ZC3H18: variants seen among roughly 807,000 people sequenced by gnomAD.
ZC3H18 encodes zinc finger CCCH domain-containing protein 18.
In ZC3H18, 8 loss-of-function variants were observed where a neutral mutation model predicts 106.1. The ratio of observed to expected loss-of-function variants is 0.08; its 90% CI spans 0.04 to 0.14. ZC3H18 has a LOEUF of 0.14. ZC3H18 is among the 10% of genes least tolerant of loss of function. The probability of loss-of-function intolerance (pLI) is 1.00; values close to 1 mark genes in which losing one functional copy is unlikely to be tolerated. For missense variants in ZC3H18, 1,318 were observed against 1,278.4 expected (o/e 1.03, Z -0.47); for synonymous variants, 635 against 522.1 (o/e 1.22, Z -2.95).
chr16:88,601,114 A>G (rs1904728528), intron 6 of ZC3H18, among the ~76,000 whole-genome samples: 1 of 152,248 alleles, frequency 6.6e-6, no homozygotes, highest in Non-Finnish European at 1.5e-5. Context: ...CGCCTGCGGA[A>G]GTTGGGGGAG....
Position 88,623,939 on chromosome 16 carries a change from C to G in ZC3H18, c.1794-19C>G, listed in dbSNP as rs1009405920. The G allele has an allele frequency of 1.1e-5, 17 of 1,602,422 alleles. No homozygotes were observed. The highest frequency in any genetic ancestry group is 1.5e-5 in the Non-Finnish European group (17 of 1,172,180). On this transcript the variant is annotated intron_variant, in intron 10 of 17. Coordinates refer to ENST00000301011, the MANE Select transcript of ZC3H18 (RefSeq NM_144604.4). Reference sequence around the variant, plus strand: ...AAACACCCCCAGGCCCCTTCCGACACCTTTGTTCACTCCCCTAGGTCCCGG... The same window carrying G: ...AAACACCCCCAGGCCCCTTCCGACAGCTTTGTTCACTCCCCTAGGTCCCGG...
At chr16:88,623,720 C>T (rs1257105935) in intron 10 of ZC3H18, 15 of 651,398 alleles carry the variant, frequency 2.3e-5, no homozygotes, top group Non-Finnish European at 3.2e-5. Context: ...CACACATGAA[C>T]GTGACACTCG....
At chr16:88,614,920 G>T (rs1465284089) in intron 8 of ZC3H18, among the ~76,000 whole-genome samples, 1 of 152,180 alleles carries the variant, frequency 6.6e-6, no homozygotes, top group Non-Finnish European at 1.5e-5. Flanking sequence ...TGCCCAGATG[G>T]GCTGCCCCCA....
intron 6 of ZC3H18, among the ~76,000 whole-genome samples, chr16:88,606,884 G>T (rs191436179): frequency 6.6e-6 from 1 of 152,158 alleles, no homozygotes; most frequent in African/African-American, 2.4e-5. Context: ...GCCACCCATC[G>T]CTGGAGCCAC....
chr16:88,573,591 T>G (rs1914545202), intron 1 of ZC3H18, among the ~76,000 whole-genome samples: 1 of 151,908 alleles, frequency 6.6e-6, no homozygotes, highest in Non-Finnish European at 1.5e-5. Flanking sequence ...CTACCTTTAA[T>G]AAAAAGACGA....
intron 13 of ZC3H18, 182 bp downstream of exon 13, chr16:88,625,449 A>T: frequency 1.4e-6 from 1 of 697,196 alleles, no homozygotes. Context: ...ATGGGCCAGG[A>T]CTCGTGATAG....
At chr16:88,615,854 G>A (rs929181686) in intron 8 of ZC3H18, among the ~76,000 whole-genome samples, 1 of 152,232 alleles carries the variant, frequency 6.6e-6, no homozygotes, top group Non-Finnish European at 1.5e-5. Flanking sequence ...TCAGGAGTCT[G>A]TAATTCCAAC....
At chr16:88,615,159 A>ACGGGCTGCCCCCACCTCCTCCG (rs1567594297) in intron 8 of ZC3H18, among the ~76,000 whole-genome samples, 2 of 16,996 alleles carry the variant, frequency 1.2e-4, no homozygotes, top group Non-Finnish European at 1.2e-4. Context: ...CACCTCCTCC[A>ACGGGCTGCCCCCACCTCCTCCG]TTCCCTCTGC....
At chr16:88,616,055 C>T (rs1229683910) in intron 8 of ZC3H18, among the ~76,000 whole-genome samples, 2 of 152,126 alleles carry the variant, frequency 1.3e-5, no homozygotes, top group African/African-American at 2.4e-5. Flanking sequence ...GTGACGGATC[C>T]CAGGAGGCTT....
intron 3 of ZC3H18, 102 bp downstream of exon 3, chr16:88,586,786 G>T: frequency 3.7e-6 from 3 of 820,178 alleles, no homozygotes; most frequent in East Asian, 2.9e-5. Context: ...GCTCAAGGCA[G>T]TTCTCTGGGC....
At chr16:88,597,821 T>C (rs1904518949) in intron 3 of ZC3H18, among the ~76,000 whole-genome samples, 1 of 152,250 alleles carries the variant, frequency 6.6e-6, no homozygotes, top group African/African-American at 2.4e-5. Context: ...CAGTTGTACC[T>C]AGATGAGCCT....
At chr16:88,609,273 T>G (rs527976673) in intron 7 of ZC3H18, 75 of 321,598 alleles carry the variant, frequency 2.3e-4, no homozygotes, top group South Asian at 1.2e-3. Context: ...TGGTTCTTGC[T>G]ATGGTTTTGT....
chr16:88,622,860 G>T, intron 9 of ZC3H18: 1 of 321,370 alleles, frequency 3.1e-6, no homozygotes, highest in Non-Finnish European at 5.8e-6. Context: ...CAGGAGGTGT[G>T]GGTGGGAGGC....
chr16:88,600,795 G>A (rs1431174449), intron 6 of ZC3H18, among the ~76,000 whole-genome samples: 3 of 152,256 alleles, frequency 2.0e-5, no homozygotes, highest in African/African-American at 7.2e-5. Context: ...TTGGGGGATT[G>A]CATGGCATAT....
chr16:88,582,865 G>A (rs896695447), intron 2 of ZC3H18, among the ~76,000 whole-genome samples: 4 of 152,174 alleles, frequency 2.6e-5, no homozygotes, highest in Admixed American at 6.5e-5. Flanking sequence ...GAGGGTCCCC[G>A]AGACCTCTGC....
intron 8 of ZC3H18, among the ~76,000 whole-genome samples, chr16:88,621,645 C>A (rs1007411155): frequency 1.3e-5 from 2 of 152,120 alleles, no homozygotes; most frequent in African/African-American, 4.8e-5. Flanking sequence ...CATGAGCCAT[C>A]GCGCCCAGCC....
intron 2 of ZC3H18, among the ~76,000 whole-genome samples, chr16:88,585,023 G>T (rs1915354570): frequency 6.6e-6 from 1 of 152,198 alleles, no homozygotes; most frequent in Non-Finnish European, 1.5e-5. Flanking sequence ...ACCACGTTGA[G>T]ATTTTAGTGT....
At chr16:88,612,986 G>T (rs1432037061) in intron 8 of ZC3H18, among the ~76,000 whole-genome samples, 2 of 152,170 alleles carry the variant, frequency 1.3e-5, no homozygotes, top group Non-Finnish European at 2.9e-5. Flanking sequence ...CTGGGTAATA[G>T]AGCAAGATTC....
intron 1 of ZC3H18, among the ~76,000 whole-genome samples, chr16:88,572,387 T>A (rs956922412): frequency 6.6e-6 from 1 of 151,960 alleles, no homozygotes; most frequent in African/African-American, 2.4e-5. Flanking sequence ...CACCGCAACC[T>A]CCTCCTCCTG....
Sources: allele counts gnomAD v4.1 joint callset (sites outside exome capture counted in the v4.1 genomes callset), GRCh38; gene constraint gnomAD v4.1.1; transcripts MANE v1.5; gene names NCBI Gene and HGNC (gene_info 2026-07-23, HGNC 2026-07-21).